The following MYH3 variants were observed in gnomAD, a reference collection of about 807,000 sequenced individuals.
MYH3 encodes the protein myosin heavy chain 3.
A neutral mutation model predicts 238.0 loss-of-function variants in MYH3; 130 were observed. The observed-to-expected ratio is 0.55, with a 90% CI of 0.47 to 0.63. The LOEUF is 0.63. MYH3 is among the 30% of genes least tolerant of loss of function. MYH3 has a pLI of 0.00. For missense variants in MYH3, 1,853 were observed against 2,374.9 expected (o/e 0.78, Z 4.57); for synonymous variants, 880 against 924.1 (o/e 0.95, Z 0.86).
rs1399883002 is a variant in MYH3, at chr17:10,651,593, C to T, written c.424G>A (p.Gly142Ser). The change falls in exon 5 of 41, where the codon GGC becomes AGC. Residue 142 changes from glycine (G) to serine (S), a missense_variant. Transcript: ENST00000583535. ...TCCTGGCGCTTTTTGCCTCGGTAGCCTTCCACCACCTCGGGGTTGTACACC... is the reference window on the plus strand; with the variant it reads ...TCCTGGCGCTTTTTGCCTCGGTAGCTTTCCACCACCTCGGGGTTGTACACC... ...LPVYNPEVVE[G>S]YRGKKRQEAP... 14 of 1,613,996 alleles carry T rather than the reference C, an allele frequency of 8.7e-6. No individual in the cohort carries two copies. The highest frequency in any genetic ancestry group is 3.3e-5 in the Admixed American group (2 of 60,002).
In MYH3 at chr17:10,645,834, G is replaced by T. The variant is rs774074652; in HGVS notation, c.1014C>A (p.Asp338Glu). ...EELLATDSAI[D>E]ILGFTPEEKS... Reference sequence around the variant, plus strand: ...TCTCTTCTGGGGTGAAGCCCAGGATGTCAATGGCGCTCTGGCATGGAAAGG... The same window carrying T: ...TCTCTTCTGGGGTGAAGCCCAGGATTTCAATGGCGCTCTGGCATGGAAAGG... The change falls in exon 12 of 41, where the codon GAC becomes GAA. Residue 338 changes from aspartate (D) to glutamate (E), a missense_variant. By Grantham distance (45) the Asp-to-Glu change is conservative. Transcript: ENST00000583535. 2 of 1,613,950 alleles carry T rather than the reference G, an allele frequency of 1.2e-6. No individual in the cohort carries two copies.
At chr17:10,645,866 C>A in intron 11 of MYH3, 21 bp from the exon 12 acceptor site, 2 of 1,613,950 alleles carry the variant, frequency 1.2e-6, no homozygotes, top group Non-Finnish European at 1.7e-6. Context: ...AAGGGCAGCA[C>A]GTCAGTCAGT....
At chr17:10,643,564 C>T (rs2074293174) in intron 14 of MYH3, among the ~76,000 whole-genome samples, 2 of 151,922 alleles carry the variant, frequency 1.3e-5, no homozygotes, top group Non-Finnish European at 1.5e-5. Context: ...TTAGTAGAGA[C>T]GGGGTTTCAC....
chr17:10,642,383 GGGAAATCACAT>G lies in MYH3; in HGVS notation c.1888+23_1888+33del. The G allele has an allele frequency of 6.2e-7, 1 of 1,614,064 alleles. No individual in the cohort carries two copies. The highest frequency in any genetic ancestry group is 8.5e-7 in the Non-Finnish European group (1 of 1,179,942). ...TTTTTGTTACTGTGGAACAAATGGA[GGGAAATCACAT>G]GGACACAAAGCACTCCTCTTACCAT... is the stretch of plus-strand genomic sequence containing the variant. On this transcript the variant is annotated intron_variant, in intron 16 of 40. Coordinates refer to ENST00000583535, the MANE Select transcript of MYH3 (RefSeq NM_002470.4). This position sits in a 1 kb window ranked among gnomAD's most constrained non-coding sequence, Gnocchi z 5.4.
At chr17:10,641,438 G>T in intron 17 of MYH3, 66 bp from the exon 18 acceptor site, 1 of 1,127,372 alleles carries the variant, frequency 8.9e-7, no homozygotes, top group Non-Finnish European at 1.3e-6. Flanking sequence ...GAGATCCATT[G>T]TAATGAAATA....
chr17:10,648,360 G>T (rs2074343584), intron 8 of MYH3, among the ~76,000 whole-genome samples, 197 bp downstream of exon 8: 1 of 152,138 alleles, frequency 6.6e-6, no homozygotes, highest in Admixed American at 6.5e-5. Flanking sequence ...CCTAAAGCAA[G>T]CCTGGCCCCC....
At chr17:10,646,077 A>G (rs778543099) in intron 10 of MYH3, 45 bp from the exon 11 acceptor site, 8 of 1,545,616 alleles carry the variant, frequency 5.2e-6, no homozygotes, top group African/African-American at 1.4e-5. Flanking sequence ...ATGCAAAGAA[A>G]AAACCCACCC....
At chr17:10,646,931 G>A (rs943795207) in intron 10 of MYH3, among the ~76,000 whole-genome samples, 1 of 152,088 alleles carries the variant, frequency 6.6e-6, no homozygotes, top group East Asian at 1.9e-4. Flanking sequence ...ACCTGTAGTC[G>A]CAGCCACTCG....
At chr17:10,669,058 T>C in the MYH3 span, among the ~76,000 whole-genome samples, 39 of 152,298 alleles carry the variant, frequency 2.6e-4, no homozygotes, top group African/African-American at 9.1e-4. Flanking sequence ...ACTTGATTGA[T>C]GGGGAAACTA....
intron 22 of MYH3, 40 bp from the exon 23 acceptor site, chr17:10,639,842 A>C: frequency 6.2e-7 from 1 of 1,612,558 alleles, no homozygotes; most frequent in Non-Finnish European, 8.5e-7. Flanking sequence ...GAATGATATA[A>C]GGTTTGCGAC....
intron 1 of MYH3, among the ~76,000 whole-genome samples, chr17:10,656,854 G>A (rs1832822342): frequency 6.6e-6 from 1 of 152,176 alleles, no homozygotes; most frequent in South Asian, 2.1e-4. Context: ...GTCTTGAGAG[G>A]ACAAGACACC....
chr17:10,645,645 G>C, intron 12 of MYH3, 62 bp downstream of exon 12: 2 of 1,598,890 alleles, frequency 1.3e-6, no homozygotes, highest in Non-Finnish European at 8.5e-7. Flanking sequence ...TTCAAAAGCA[G>C]TACCAAGTGA....
rs1273135339 is a variant in MYH3 at position 10,644,384 on chromosome 17, A to G, written c.1377T>C (p.Gly459=). The change falls in exon 14 of 41, where the codon GGT becomes GGC. Residue 459 remains glycine (G), a synonymous_variant. Transcript: ENST00000583535. Reference sequence around the variant, plus strand: ...TTTCAAAGCCTGCAATGTCCAAAACACCAATGAAGTGTTGTCTTGGAAGCT... The same window carrying G: ...TTTCAAAGCCTGCAATGTCCAAAACGCCAATGAAGTGTTGTCTTGGAAGCT... ...DTKLPRQHFI[G]VLDIAGFEIF... 2 of 1,614,164 alleles carry G rather than the reference A, an allele frequency of 1.2e-6. No individual in the cohort carries two copies. The highest frequency in any genetic ancestry group is 3.3e-5 in the Admixed American group (2 of 60,018).
chr17:10,631,987 G>A lies in MYH3; in HGVS notation c.4986C>T (p.Leu1662=). 6.2e-7 allele frequency: 1 copy of A among 1,613,744 alleles called. No individual in the cohort carries two copies. The highest frequency in any genetic ancestry group is 8.5e-7 in the Non-Finnish European group (1 of 1,180,046). The part of the protein sequence containing the change: ...KDTQLHLDDA[L]RGQEDLKEQL... Reference sequence around the variant, plus strand: ...GCTCCTTCAGGTCCTCCTGGCCCCGGAGGGCATCATCCAGGTGGAGCTGCG... The same window carrying A: ...GCTCCTTCAGGTCCTCCTGGCCCCGAAGGGCATCATCCAGGTGGAGCTGCG... Residue 1662 remains leucine (L), a synonymous_variant, in exon 35 of 41, where the codon CTC becomes CTT. Transcript: ENST00000583535.
At chr17:10,661,169 T>C (rs1318113178), upstream of MYH3, among the ~76,000 whole-genome samples, 5 of 150,384 alleles carry the variant, frequency 3.3e-5, no homozygotes, top group Admixed American at 6.6e-5. Context: ...TAAAGATGGG[T>C]TTTTACCATG....
the MYH3 span, chr17:10,676,405 T>C: frequency 6.6e-6 from 1 of 152,320 alleles, no homozygotes; most frequent in Non-Finnish European, 1.5e-5. Flanking sequence ...GTGGTTGTTT[T>C]TAAAGGACAA....
Position 10,651,184 on chromosome 17 carries a change from C to CAAAAAA in MYH3, c.505+322_505+327dup, listed in dbSNP as rs35638998. On this transcript the variant is annotated intron_variant, in intron 5 of 40. Transcript: ENST00000583535. Reference sequence around the variant, plus strand: ...TGGGCAACATAGCAAGACTCCATCTCAAAAAAAAAAAAAAAAAACCAGCCA... The same window carrying CAAAAAA: ...TGGGCAACATAGCAAGACTCCATCTCAAAAAAAAAAAAAAAAAAAAAAAACCAGCCA... 2.8e-5 allele frequency among the ~76,000 whole-genome samples: 3 copies of CAAAAAA among 106,012 alleles called. 1 individual carries two copies. Among genetic ancestry groups the CAAAAAA allele is most frequent in the Non-Finnish European group, 5.3e-5 (3 of 56,148 alleles). 69.5% of individuals were successfully genotyped at this position (106,012 alleles called of 152,430 possible).
At chr17:10,633,367 C>T (rs1406732852) in intron 33 of MYH3, among the ~76,000 whole-genome samples, 2 of 152,148 alleles carry the variant, frequency 1.3e-5, no homozygotes, top group Non-Finnish European at 2.9e-5. Flanking sequence ...TTTGTAAAAT[C>T]TCATCTTTAG....
intron 36 of MYH3, among the ~76,000 whole-genome samples, chr17:10,631,284 G>A (rs1043806797): frequency 6.6e-5 from 10 of 152,182 alleles, no homozygotes; most frequent in Non-Finnish European, 7.3e-5. Flanking sequence ...AGAAAGCCTC[G>A]GAGACCCAGG....
Sources: allele counts gnomAD v4.1 joint callset (sites outside exome capture counted in the v4.1 genomes callset), GRCh38; gene constraint gnomAD v4.1.1; non-coding constraint Gnocchi (gnomAD v3.1); transcripts MANE v1.5; gene names NCBI Gene and HGNC (gene_info 2026-07-23, HGNC 2026-07-21).